The following SEC16B variants were observed in gnomAD, a reference collection of about 807,000 sequenced individuals.
The protein encoded by SEC16B is SEC16 homolog B, endoplasmic reticulum export factor, also known as protein transport protein Sec16B.
SEC16B carries 115 observed loss-of-function variants against 141.8 expected under a neutral mutation model. The observed-to-expected ratio is 0.81, with a 90% CI of 0.70 to 0.95. The LOEUF is 0.95. Among genes scored for constraint, SEC16B ranks in the 40% least tolerant of loss-of-function variants. SEC16B has a pLI of 0.00. For synonymous variants in SEC16B, 493 were observed against 492.5 expected (o/e 1.00, Z -0.01); for missense variants, 1,291 against 1,312.3 (o/e 0.98, Z 0.25).
chr1:177,978,818 T>C (rs1252758742), intron 1 of SEC16B, among the ~76,000 whole-genome samples: 3 of 152,190 alleles, frequency 2.0e-5, no homozygotes, highest in East Asian at 1.9e-4. Flanking sequence ...TAGCAGTTCA[T>C]ATTTAACTTT....
chr1:177,944,737 C>A, intron 14 of SEC16B, 71 bp from the exon 15 acceptor site: 2 of 1,240,948 alleles, frequency 1.6e-6, no homozygotes, highest in East Asian at 2.4e-5. Flanking sequence ...TAGTGGCTCT[C>A]CAAACACCAG....
rs74128501 is a variant in SEC16B at position 177,960,701 on chromosome 1, C to T, written c.936+90G>A. On this transcript the variant is annotated intron_variant, in intron 7 of 25. Transcript: ENST00000308284. ...GAGCATCCCATTCCTGGAGATGCCC[C>T]GGCTCAGGCACAGGAAAGCAAGGTA... The T allele has an allele frequency of 0.024, 33,040 of 1,397,590 alleles. 816 individuals carry two copies. Among genetic ancestry groups the T allele is most frequent in the East Asian group, 0.09 (3,613 of 39,982 alleles). The allele number at this position is 1,397,590 out of a possible 1,614,324, so 86.6% of individuals were successfully genotyped here.
chr1:177,945,455 C>T (rs932426115), intron 14 of SEC16B: 2 of 152,232 alleles, frequency 1.3e-5, no homozygotes, highest in Admixed American at 6.5e-5. Context: ...AGAAGGGATT[C>T]TTTGACAAGC....
chr1:177,959,105 C>A (rs1176987770), intron 8 of SEC16B, 130 bp from the exon 9 acceptor site: 2 of 944,876 alleles, frequency 2.1e-6, no homozygotes, highest in African/African-American at 1.6e-5. Flanking sequence ...CAAGCCAGGG[C>A]TAAGGTAATG....
At chr1:177,948,364 G>A (rs17360489) in intron 12 of SEC16B, 74,814 of 1,304,754 alleles carry the variant, frequency 0.057, 2,349 homozygotes, top group Non-Finnish European at 0.064. Flanking sequence ...GAAGTCGGGG[G>A]AACACGGGCC....
At chr1:177,938,536 C>A (rs1651034904) in intron 18 of SEC16B, among the ~76,000 whole-genome samples, 1 of 152,220 alleles carries the variant, frequency 6.6e-6, no homozygotes, top group Non-Finnish European at 1.5e-5. Flanking sequence ...GGCTATACTT[C>A]CCAGCCTGCG....
intron 25 of SEC16B, 89 bp from the exon 26 acceptor site, chr1:177,930,018 T>C (rs897876625): frequency 5.5e-6 from 7 of 1,263,194 alleles, no homozygotes; most frequent in South Asian, 5.3e-5. Context: ...TAGGGCACCC[T>C]GAGCCTCTGT....
At chr1:177,935,513 T>C (rs1650768029) in intron 20 of SEC16B, among the ~76,000 whole-genome samples, 1 of 152,186 alleles carries the variant, frequency 6.6e-6, no homozygotes, top group African/African-American at 2.4e-5. Flanking sequence ...TATACAGATA[T>C]ACATATATGT....
intron 14 of SEC16B, 174 bp downstream of exon 14, chr1:177,946,246 G>A (rs1368932790): frequency 3.0e-6 from 2 of 672,438 alleles, no homozygotes; most frequent in East Asian, 2.7e-5. Context: ...GTAATGTGGG[G>A]CCCACGGGGC....
At chr1:177,958,563 T>A (rs985721590) in intron 9 of SEC16B, 1 of 611,256 alleles carries the variant, frequency 1.6e-6, no homozygotes, top group Non-Finnish European at 2.8e-6. Flanking sequence ...TCAGGAGCCA[T>A]AAAGCTTACC....
chr1:177,970,399 T>C (rs1653884663), upstream of SEC16B, among the ~76,000 whole-genome samples: 1 of 152,232 alleles, frequency 6.6e-6, no homozygotes. Context: ...GCTTAGCTTA[T>C]GAGGGTCATT....
upstream of SEC16B, among the ~76,000 whole-genome samples, chr1:177,974,660 A>G (rs1428017912): frequency 6.6e-6 from 1 of 152,234 alleles, no homozygotes; most frequent in Non-Finnish European, 1.5e-5. Context: ...TTAGACATAG[A>G]AATCACTTCT....
At chr1:177,942,242 G>A (rs1006796725) in intron 15 of SEC16B, among the ~76,000 whole-genome samples, 2 of 152,248 alleles carry the variant, frequency 1.3e-5, no homozygotes, top group South Asian at 4.1e-4. Flanking sequence ...GCATTACAGA[G>A]AAAAGAACAG....
chr1:177,958,696 A>G, intron 9 of SEC16B, 144 bp downstream of exon 9: 1 of 1,027,126 alleles, frequency 9.7e-7, no homozygotes, highest in South Asian at 1.7e-5. Flanking sequence ...ACTCGCATTG[A>G]CATTTGAGCA....
rs746704000 is a variant in SEC16B, at chr1:177,958,196, C to CA, written c.1300_1301insT (p.Ser434MetfsTer14). ...CACGATCTGCGCAGGTGTCTCCACA[C>CA]TGGGGGGGATCTCTCCCGTGAGCAG... On this transcript the variant is annotated frameshift_variant, in exon 10 of 26. Transcript: ENST00000308284. LOFTEE classifies it high-confidence loss of function. The CA allele has an allele frequency of 2.6e-5, 41 of 1,596,760 alleles. No homozygotes were observed. The highest frequency in any genetic ancestry group is 3.0e-5 in the Non-Finnish European group (35 of 1,171,110).
At chr1:177,944,470 C>T in intron 15 of SEC16B, 91 bp downstream of exon 15, 1 of 934,910 alleles carries the variant, frequency 1.1e-6, no homozygotes, top group Non-Finnish European at 1.7e-6. Context: ...AACTTAGCCC[C>T]AGGTACTAAG....
rs570182814 is a variant in SEC16B at position 177,980,241 on chromosome 1, G to A, written c.-59+3965C>T. Among the ~76,000 whole-genome samples the A allele has an allele frequency of 2.4e-4, 36 of 152,120 alleles. 1 individual carries two copies. The South Asian group carries it at 7.5e-3, about 32-fold the overall frequency. ...AGATGTCATTCATTAAATAAATTAT[G>A]TCACTAAATGAATCCAACTGTGGTA... is the stretch of plus-strand genomic sequence containing the variant. On this transcript the variant is annotated intron_variant and NMD_transcript_variant, in intron 1 of 24. Transcript: ENST00000528461.
chr1:177,974,059 A>G (rs1299900109), upstream of SEC16B, among the ~76,000 whole-genome samples: 1 of 152,164 alleles, frequency 6.6e-6, no homozygotes, highest in Non-Finnish European at 1.5e-5. Context: ...TGACTGTAGA[A>G]GATGAGGGAG....
At chr1:177,937,902 C>T (rs537542888) in intron 18 of SEC16B, among the ~76,000 whole-genome samples, 1 of 152,036 alleles carries the variant, frequency 6.6e-6, no homozygotes, top group African/African-American at 2.4e-5. Context: ...ACACAACTGA[C>T]CAGCATTAAT....
Sources: gnomAD v4.1 joint callset for allele counts (sites outside exome capture counted in the v4.1 genomes callset) on GRCh38, gnomAD v4.1.1 for gene constraint, MANE v1.5 for transcripts, NCBI Gene and HGNC (gene_info 2026-07-23, HGNC 2026-07-21) for gene names.